MERTK: variants seen among roughly 807,000 people sequenced by gnomAD.
MERTK encodes tyrosine-protein kinase Mer.
A neutral mutation model predicts 99.3 loss-of-function variants in MERTK; 69 were observed. The ratio of observed to expected loss-of-function variants is 0.70; its 90% CI spans 0.57 to 0.85. The LOEUF (loss-of-function observed/expected upper bound fraction) is 0.85, where lower values mean the gene tolerates loss of function less well. Ranked by LOEUF, MERTK falls within the 40% of genes least tolerant of loss-of-function variation. MERTK has a pLI of 0.00. For synonymous variants in MERTK, 426 were observed against 467.6 expected (o/e 0.91, Z 1.15); for missense variants, 1,125 against 1,249.4 (o/e 0.90, Z 1.50).
At chr2:111,934,012 G>A (rs558280665) in intron 2 of MERTK, among the ~76,000 whole-genome samples, 4 of 152,112 alleles carry the variant, frequency 2.6e-5, no homozygotes, top group African/African-American at 7.2e-5. Flanking sequence ...TGAGAATGAC[G>A]GTTTCCAGCG....
intron 8 of MERTK, among the ~76,000 whole-genome samples, chr2:111,986,145 G>A (rs749924884): frequency 3.3e-5 from 5 of 152,194 alleles, no homozygotes; most frequent in Non-Finnish European, 5.9e-5. Flanking sequence ...TTAGAAGTCC[G>A]TGTTGTTCTG....
chr2:111,932,539 A>T (rs1238155065), intron 2 of MERTK, among the ~76,000 whole-genome samples: 8 of 152,236 alleles, frequency 5.3e-5, no homozygotes, highest in Non-Finnish European at 1.5e-5. Context: ...TTGCCTGTAT[A>T]TGATTCTTCA....
chr2:111,943,112 T>C (rs968320485), intron 2 of MERTK, among the ~76,000 whole-genome samples: 6 of 152,180 alleles, frequency 3.9e-5, no homozygotes, highest in Non-Finnish European at 8.8e-5. Context: ...CAGGCCATGG[T>C]TCAGGATGGA....
At chr2:111,913,431 A>G (rs1558768954) in intron 1 of MERTK, among the ~76,000 whole-genome samples, 1 of 152,326 alleles carries the variant, frequency 6.6e-6, no homozygotes, top group East Asian at 1.9e-4. Flanking sequence ...TTCAATGTCT[A>G]TGTGTTTATT....
rs72938480 is a variant in MERTK at position 111,967,593 on chromosome 2, C to T, written c.845-544C>T. On this transcript the variant is annotated intron_variant, in intron 5 of 18. Transcript: ENST00000295408. Reference sequence around the variant, plus strand: ...GCTGGCTCTTTTGCTTGAACTGACTCTTAGTGTTTCCTCGGCCTGGAAAGC... The same window carrying T: ...GCTGGCTCTTTTGCTTGAACTGACTTTTAGTGTTTCCTCGGCCTGGAAAGC... Among the ~76,000 whole-genome samples, 675 of 152,210 alleles carry T rather than the reference C, an allele frequency of 4.4e-3. 7 individuals are homozygous for T. The highest frequency in any genetic ancestry group is 0.015 in the African/African-American group (635 of 41,512).
chr2:112,022,932 C>T lies in MERTK; in HGVS notation c.2486+538C>T, dbSNP rs569641556. On this transcript the variant is annotated intron_variant, in intron 18 of 18. Coordinates refer to ENST00000295408, the MANE Select transcript of MERTK (RefSeq NM_006343.3). Reference sequence around the variant, plus strand: ...CAATACGATTCCTCGGCCCTGTTCCCGGAAATTATGATGCTTTCGGTACAA... The same window carrying T: ...CAATACGATTCCTCGGCCCTGTTCCTGGAAATTATGATGCTTTCGGTACAA... 3.9e-5 allele frequency among the ~76,000 whole-genome samples: 6 copies of T among 152,160 alleles called. 1 individual carries two copies. Among genetic ancestry groups the T allele is most frequent in the African/African-American group, 9.6e-5 (4 of 41,514 alleles).
rs373307689 is a variant in MERTK, at chr2:112,003,109, A to T, written c.1708A>T (p.Ser570Cys). Residue 570 changes from serine (S) to cysteine (C), a missense_variant, in exon 12 of 19, where the codon AGT (serine) becomes TGT (cysteine). Coordinates refer to ENST00000295408, the MANE Select transcript of MERTK (RefSeq NM_006343.3). Reference sequence around the variant, plus strand: ...TTTTTCAGTACATAGCTTGGGAGTCAGTGAGGAACTACAAAATAAACTAGA... The same window carrying T: ...TTTTTCAGTACATAGCTTGGGAGTCTGTGAGGAACTACAAAATAAACTAGA... ...IELTLHSLGV[S>C]EELQNKLEDV... 1 of 1,576,202 alleles carries T rather than the reference A, an allele frequency of 6.3e-7. No homozygotes were observed. Among genetic ancestry groups the T allele is most frequent in the African/African-American group, 1.3e-5 (1 of 74,176 alleles).
intron 9 of MERTK, chr2:111,996,698 G>T (rs1020750954): frequency 6.0e-6 from 1 of 168,018 alleles, no homozygotes; most frequent in African/African-American, 2.4e-5. Context: ...AAATGTCCCA[G>T]AGAAAGCGAC....
In MERTK at chr2:111,984,386, G is replaced by A. The variant is rs1996324; in HGVS notation, c.1296+1393G>A. ...CTGGGCACCTCTGTCACCCAGTCAAGTTGACACATAATATTAACCATCGCA... is the reference window on the plus strand; with the variant it reads ...CTGGGCACCTCTGTCACCCAGTCAAATTGACACATAATATTAACCATCGCA... On this transcript the variant is annotated intron_variant, in intron 8 of 18. Coordinates refer to ENST00000295408, the MANE Select transcript of MERTK (RefSeq NM_006343.3). Among the ~76,000 whole-genome samples the A allele has an allele frequency of 3.1e-3, 465 of 152,234 alleles. 3 individuals are homozygous for A. The highest frequency in any genetic ancestry group is 0.01 in the African/African-American group (421 of 41,540).
rs184378689 is a variant in MERTK, at chr2:111,953,548, G to A, written c.757+5981G>A. On this transcript the variant is annotated intron_variant, in intron 4 of 18. Transcript: ENST00000295408. ...ATTCTTCTCTCTCGCCCATCCAACA[G>A]TCATCACCAAGATCTGTACATTGTT... 2.1e-3 allele frequency among the ~76,000 whole-genome samples: 318 copies of A among 152,134 alleles called. 2 individuals carry two copies. Among genetic ancestry groups the A allele is most frequent in the African/African-American group, 7.3e-3 (301 of 41,514 alleles).
rs1246281095 is a variant in MERTK at position 111,929,300 on chromosome 2, C to T, written c.242C>T (p.Pro81Leu). Reference protein sequence around the residue: ...GRPHTGNVAIPQVTSVESKPL... With the variant: ...GRPHTGNVAILQVTSVESKPL... ...CCACATACAGGAAACGTAGCCATTCCCCAGGTGACCTCTGTCGAATCAAAG... is the reference window on the plus strand; with the variant it reads ...CCACATACAGGAAACGTAGCCATTCTCCAGGTGACCTCTGTCGAATCAAAG... Residue 81 changes from proline (P) to leucine (L), a missense_variant, in exon 2 of 19, where the codon CCC becomes CTC. Coordinates refer to ENST00000295408, the MANE Select transcript of MERTK (RefSeq NM_006343.3). 1 of 1,614,202 alleles carries T rather than the reference C, an allele frequency of 6.2e-7. No individual in the cohort carries two copies. The highest frequency in any genetic ancestry group is 8.5e-7 in the Non-Finnish European group (1 of 1,180,044).
chr2:111,971,430 A>T (rs994775678), intron 6 of MERTK, among the ~76,000 whole-genome samples: 16 of 150,532 alleles, frequency 1.1e-4, no homozygotes, highest in African/African-American at 2.7e-4. Flanking sequence ...TTTTATATAT[A>T]AAAAAAAATA....
rs905451188 is a variant in MERTK at position 111,962,404 on chromosome 2, G to T, written c.758-2787G>T. Among the ~76,000 whole-genome samples, 15 of 152,286 alleles carry T rather than the reference G, an allele frequency of 9.8e-5. No homozygotes were observed. The South Asian group carries it at 2.5e-3, about 25-fold the overall frequency. On this transcript the variant is annotated intron_variant, in intron 4 of 18. Transcript: ENST00000295408. ...TGCCTGTAATCCCAACTACTTGGAA[G>T]GCCGAGGCAGGAGAATCACTTGAAC...
intron 2 of MERTK, chr2:111,940,697 T>C (rs1362822114): frequency 1.3e-6 from 1 of 774,246 alleles, no homozygotes; most frequent in Non-Finnish European, 2.3e-6. Flanking sequence ...GCATTTTTAG[T>C]TGCATTGTCA....
At chr2:112,023,749 A>T (rs1251942074) in intron 18 of MERTK, among the ~76,000 whole-genome samples, 1 of 152,142 alleles carries the variant, frequency 6.6e-6, no homozygotes, top group Non-Finnish European at 1.5e-5. Context: ...TCCCTGTATA[A>T]TAAGGGCCAT....
intron 4 of MERTK, among the ~76,000 whole-genome samples, chr2:111,960,561 T>G (rs1318641251): frequency 1.3e-5 from 2 of 152,054 alleles, no homozygotes; most frequent in Admixed American, 1.3e-4. Flanking sequence ...AAGTTGTACT[T>G]ATGTTTAAGA....
At chr2:112,004,806 G>A (rs1397263853) in intron 13 of MERTK, among the ~76,000 whole-genome samples, 1 of 151,974 alleles carries the variant, frequency 6.6e-6, no homozygotes, top group Admixed American at 6.6e-5. Flanking sequence ...GGTGACTGAG[G>A]CAGGAGAATC....
At chr2:112,027,813 A>C (rs2104429216) in intron 18 of MERTK, among the ~76,000 whole-genome samples, 1 of 152,304 alleles carries the variant, frequency 6.6e-6, no homozygotes, top group East Asian at 1.9e-4. Context: ...CCAGGGCCCC[A>C]ACTAACTCAG....
chr2:111,948,317 C>T lies in MERTK; in HGVS notation c.757+750C>T, dbSNP rs144876427. On this transcript the variant is annotated intron_variant, in intron 4 of 18. Transcript: ENST00000295408. ...TGAGTGACACCAATTCATTGCTCCT[C>T]CTTTGTCATTGACTGGAGTTTTGAA... Among the ~76,000 whole-genome samples, 16 of 152,348 alleles carry T rather than the reference C, an allele frequency of 1.1e-4. 1 individual carries two copies. In the South Asian group the frequency reaches 1.2e-3, roughly 12 times the overall value.
Sources: gnomAD v4.1 joint callset for allele counts (sites outside exome capture counted in the v4.1 genomes callset) on GRCh38, gnomAD v4.1.1 for gene constraint, MANE v1.5 for transcripts, NCBI Gene and HGNC (gene_info 2026-07-23, HGNC 2026-07-21) for gene names.